Variants in TRMT1L observed in about 807,000 individuals in gnomAD.
TRMT1L encodes the protein tRNA methyltransferase 1L.
TRMT1L carries 28 observed loss-of-function variants against 81.6 expected under a neutral mutation model. The ratio of observed to expected loss-of-function variants is 0.34; its 90% CI spans 0.25 to 0.47. TRMT1L has a LOEUF of 0.47. TRMT1L is among the 20% of genes least tolerant of loss of function. The pLI is 1.00. For synonymous variants in TRMT1L, 301 were observed against 303.2 expected, an observed-to-expected ratio of 0.99 and a Z score of 0.07; for missense variants, 739 against 877.1, an observed-to-expected ratio of 0.84 and a Z score of 1.99.
intron 10 of TRMT1L, 177 bp downstream of exon 10, chr1:185,137,429 T>A (rs1480654983): frequency 5.5e-6 from 4 of 728,782 alleles, no homozygotes; most frequent in Non-Finnish European, 9.7e-6. Context: ...GTAAATAACT[T>A]TAATAAACTC....
intron 4 of TRMT1L, 42 bp downstream of exon 4, chr1:185,147,140 A>G (rs755685214): frequency 1.5e-5 from 21 of 1,396,192 alleles, no homozygotes; most frequent in Non-Finnish European, 2.0e-5. Flanking sequence ...TTTCTTTAAA[A>G]AGGACTAAAT....
At position 185,156,750 on chromosome 1, in the gene TRMT1L, G is replaced by T; in HGVS notation, c.-38C>A. The T allele has an allele frequency of 6.2e-7, 1 of 1,610,694 alleles. No homozygotes were observed. Among genetic ancestry groups the T allele is most frequent in the Non-Finnish European group, 8.5e-7 (1 of 1,179,018 alleles). ...CGTGCCAAGCCCGCCCGGGGACCCG[G>T]AGCGGGGCTCACGGCGGGGTCAGAG... On this transcript the variant is annotated 5_prime_UTR_variant, in exon 1 of 15. Transcript: ENST00000367506.
chr1:185,126,914 T>A lies in TRMT1L; in HGVS notation c.1592+1755A>T, dbSNP rs1407415918. 2.0e-5 allele frequency among the ~76,000 whole-genome samples: 3 copies of A among 152,174 alleles called. No homozygotes were observed. The East Asian group carries it at 5.8e-4, about 29-fold the overall frequency. On this transcript the variant is annotated intron_variant, in intron 11 of 14. Coordinates refer to ENST00000367506, the MANE Select transcript of TRMT1L (RefSeq NM_030934.5). ...CGGGAGGCTGAGTCAGGAGATTCGCTTGAACCCAAAAGGTGGAGGTTGCAG... is the reference window on the plus strand; with the variant it reads ...CGGGAGGCTGAGTCAGGAGATTCGCATGAACCCAAAAGGTGGAGGTTGCAG...
At chr1:185,121,913 G>A (rs1478857337) in intron 13 of TRMT1L, among the ~76,000 whole-genome samples, 1 of 151,960 alleles carries the variant, frequency 6.6e-6, no homozygotes, top group Non-Finnish European at 1.5e-5. Flanking sequence ...TACCCAACAG[G>A]TGGTTCTTCA....
chr1:185,123,985 T>A, intron 12 of TRMT1L, 66 bp from the exon 13 acceptor site: 1 of 916,572 alleles, frequency 1.1e-6, no homozygotes, highest in Non-Finnish European at 1.6e-6. Context: ...CAACTCAGTT[T>A]AAATAAAAGT....
intron 3 of TRMT1L, among the ~76,000 whole-genome samples, chr1:185,148,248 T>C (rs1366644234): frequency 6.6e-6 from 1 of 152,156 alleles, no homozygotes; most frequent in African/African-American, 2.4e-5. Context: ...ATATAACCTA[T>C]GGGCTACTTG....
Position 185,143,806 on chromosome 1 carries a change from C to T in TRMT1L, c.779+100G>A, listed in dbSNP as rs143308634. On this transcript the variant is annotated intron_variant, in intron 6 of 14. Coordinates refer to ENST00000367506, the MANE Select transcript of TRMT1L (RefSeq NM_030934.5). ...TAAAACAGATGATTTTTATTCTGCACCTAGTTCTAAATTTTAATATATTAG... is the reference window on the plus strand; with the variant it reads ...TAAAACAGATGATTTTTATTCTGCATCTAGTTCTAAATTTTAATATATTAG... The T allele has an allele frequency of 1.3e-4, 136 of 1,024,642 alleles. No homozygotes were observed. The African/African-American group carries it at 1.7e-3, about 13-fold the overall frequency. The allele number at this position is 1,024,642 out of a possible 1,614,324, so 63.5% of individuals were successfully genotyped here. A position where few individuals can be genotyped will look rare whatever the true frequency, so the allele number is the denominator to read the frequency against.
chr1:185,131,550 T>C (rs1296278999), intron 10 of TRMT1L, among the ~76,000 whole-genome samples: 3 of 149,956 alleles, frequency 2.0e-5, no homozygotes, highest in Non-Finnish European at 3.0e-5. Flanking sequence ...TGAAACAATA[T>C]GACACTATTA....
At chr1:185,123,329 C>T (rs564383911) in intron 13 of TRMT1L, among the ~76,000 whole-genome samples, 2 of 152,170 alleles carry the variant, frequency 1.3e-5, no homozygotes, top group Admixed American at 6.5e-5. Context: ...CAAAACAAAA[C>T]CTTAGACATT....
intron 11 of TRMT1L, among the ~76,000 whole-genome samples, chr1:185,128,351 T>C (rs1652686706): frequency 6.6e-6 from 1 of 152,162 alleles, no homozygotes; most frequent in Non-Finnish European, 1.5e-5. Flanking sequence ...AAAAATCACA[T>C]GCTAGATCTA....
Position 185,156,748 on chromosome 1 carries a change from CG to C in TRMT1L, c.-37del, listed in dbSNP as rs758667130. Reference sequence around the variant, plus strand: ...TCCGTGCCAAGCCCGCCCGGGGACCCGGAGCGGGGCTCACGGCGGGGTCAGA... The same window carrying C: ...TCCGTGCCAAGCCCGCCCGGGGACCCGAGCGGGGCTCACGGCGGGGTCAGA... On this transcript the variant is annotated 5_prime_UTR_variant, in exon 1 of 15. Transcript: ENST00000367506. 1 of 1,610,514 alleles carries C rather than the reference CG, an allele frequency of 6.2e-7. No homozygotes were observed. Among genetic ancestry groups the C allele is most frequent in the Non-Finnish European group, 8.5e-7 (1 of 1,178,896 alleles).
chr1:185,143,518 A>C, intron 6 of TRMT1L, 82 bp from the exon 7 acceptor site: 1 of 1,259,778 alleles, frequency 7.9e-7, no homozygotes, highest in East Asian at 2.4e-5. Flanking sequence ...TAGTGAACTG[A>C]AGTTCCTAGT....
intron 10 of TRMT1L, among the ~76,000 whole-genome samples, chr1:185,132,950 T>A (rs1329366213): frequency 6.6e-6 from 1 of 152,152 alleles, no homozygotes; most frequent in Middle Eastern, 3.2e-3. Flanking sequence ...AGGATGATGG[T>A]TAAACAGAAG....
intron 1 of TRMT1L, among the ~76,000 whole-genome samples, chr1:185,153,301 G>A (rs1208459728): frequency 1.3e-5 from 2 of 152,104 alleles, no homozygotes; most frequent in Non-Finnish European, 2.9e-5. Context: ...TGCTGAACCC[G>A]CTACTGATTA....
chr1:185,136,954 A>T (rs1652915291), intron 10 of TRMT1L, among the ~76,000 whole-genome samples: 1 of 152,182 alleles, frequency 6.6e-6, no homozygotes, highest in African/African-American at 2.4e-5. Flanking sequence ...CAGACTACAT[A>T]AACATTCAAT....
intron 2 of TRMT1L, among the ~76,000 whole-genome samples, chr1:185,151,144 TTTGA>T (rs2102259200): frequency 6.6e-6 from 1 of 152,316 alleles, no homozygotes; most frequent in Non-Finnish European, 1.5e-5. Context: ...AAATAAAAAC[TTTGA>T]TAGTATAGAT....
chr1:185,140,986 C>CAACAAA (rs1318622177), intron 7 of TRMT1L, among the ~76,000 whole-genome samples: 8 of 135,644 alleles, frequency 5.9e-5, no homozygotes, highest in Admixed American at 3.7e-4. Context: ...AAAAAAAAAA[C>CAACAAA]AACAAAAACA....
In TRMT1L at chr1:185,147,230, G is replaced by A. The variant is rs1179881623; in HGVS notation, c.477C>T (p.Ile159=). 6.2e-7 allele frequency: 1 copy of A among 1,608,392 alleles called. No individual in the cohort carries two copies. The highest frequency in any genetic ancestry group is 1.7e-5 in the Admixed American group (1 of 59,724). The change falls in exon 4 of 15, where the codon ATC becomes ATT. Residue 159 remains isoleucine, a synonymous_variant. Coordinates refer to ENST00000367506, the MANE Select transcript of TRMT1L (RefSeq NM_030934.5). ...TCACTGGTCGACAAGGTAAGTGACA[G>A]ATGCACATCCTGTAACCTAAAATAA... The part of the protein sequence containing the change: ...SVEFEGYRMC[I]CHLPCRPVKP...
At chr1:185,145,415 T>C (rs1410093895) in intron 5 of TRMT1L, 24 bp downstream of exon 5, 14 of 1,597,202 alleles carry the variant, frequency 8.8e-6, no homozygotes, top group Non-Finnish European at 1.2e-5. Context: ...CATATTAATA[T>C]GTTAATGAGA....
Sources: gnomAD v4.1 joint callset for allele counts (sites outside exome capture counted in the v4.1 genomes callset) on GRCh38, gnomAD v4.1.1 for gene constraint, MANE v1.5 for transcripts, NCBI Gene and HGNC (gene_info 2026-07-23, HGNC 2026-07-21) for gene names.